AP5Z1: variants seen among roughly 807,000 people sequenced by gnomAD.
AP5Z1 encodes adaptor related protein complex 5 subunit zeta 1, also known as AP-5 complex subunit zeta-1.
A neutral mutation model predicts 83.0 loss-of-function variants in AP5Z1; 106 were observed. The observed-to-expected ratio is 1.28, with a 90% CI of 1.09 to 1.50. The LOEUF (loss-of-function observed/expected upper bound fraction) is 1.50, where lower values mean the gene tolerates loss of function less well. AP5Z1 is among the 40% of genes most tolerant of loss of function. The probability of loss-of-function intolerance (pLI) is 0.00; values close to 1 mark genes in which losing one functional copy is unlikely to be tolerated. For missense variants in AP5Z1, 1,565 were observed against 1,094.2 expected (o/e 1.43, Z -6.07); for synonymous variants, 751 against 514.1 (o/e 1.46, Z -6.23).
chr7:4,784,106 G>A, intron 5 of AP5Z1, 97 bp from the exon 6 acceptor site: 1 of 1,404,422 alleles, frequency 7.1e-7, no homozygotes, highest in Admixed American at 2.4e-5. Flanking sequence ...TCATGTTCAG[G>A]CAGCTTCTCC....
Position 4,793,738 on chromosome 7 carries a change from A to AC in AP5Z1, c.*2355dup, listed in dbSNP as rs1408790904. 1 of 154,672 alleles carries AC rather than the reference A, an allele frequency of 6.5e-6. No individual in the cohort carries two copies. 9.6% of individuals were successfully genotyped at this position (154,672 alleles called of 1,614,324 possible). A position where few individuals can be genotyped will look rare whatever the true frequency, so the allele number is the denominator to read the frequency against. ...GCCTTCCTGCGGGGCAGGGCTGGGG[A>AC]CCTGCAGCCCGCCATGCCTGAGCCT... On this transcript the variant is annotated 3_prime_UTR_variant, in exon 17 of 17. Coordinates refer to ENST00000649063, the MANE Select transcript of AP5Z1 (RefSeq NM_014855.3).
rs1381372219 is a variant in AP5Z1 at position 4,791,121 on chromosome 7, T to C, written c.2160T>C (p.Ser720=). 3.8e-6 allele frequency: 6 copies of C among 1,596,512 alleles called. No individual in the cohort carries two copies. Among genetic ancestry groups the C allele is most frequent in the Non-Finnish European group, 5.1e-6 (6 of 1,170,960 alleles). ...SRSQDLIPRA[S]LLLSKMRTLA... ...AGGGACCTTCTTTCCCCAGGGCCTC[T>C]TTATTGCTGTCAAAGATGAGGACCC... The change falls in exon 17 of 17, where the codon TCT becomes TCC. Residue 720 remains serine, a synonymous_variant. Transcript: ENST00000649063.
At position 4,785,626 on chromosome 7, in the gene AP5Z1, C is replaced by T. The variant is rs774452213; in HGVS notation, c.1074C>T (p.Arg358=). 2.2e-5 allele frequency: 35 copies of T among 1,573,790 alleles called. No homozygotes were observed. Among genetic ancestry groups the T allele is most frequent in the South Asian group, 5.8e-5 (5 of 86,840 alleles). The change falls in exon 9 of 17, where the codon CGC becomes CGT. Residue 358 remains arginine, a synonymous_variant. Transcript: ENST00000649063. ...SCLKALHGRV[R]GDPASVRVLL... ...TGAAGGCCCTGCACGGGCGGGTGCG[C>T]GGGGACCCGGCCTCTGTGCGGGTGC...
At chr7:4,786,153 T>G (rs1781537050) in intron 9 of AP5Z1, 97 bp from the exon 10 acceptor site, 1 of 1,325,380 alleles carries the variant, frequency 7.5e-7, no homozygotes, top group Middle Eastern at 2.7e-4. Context: ...CTTGGTGTCC[T>G]GGAGAGCAGG....
chr7:4,785,947 A>C (rs530654804), intron 9 of AP5Z1, among the ~76,000 whole-genome samples: 6 of 152,182 alleles, frequency 3.9e-5, no homozygotes, highest in African/African-American at 1.4e-4. Context: ...GATGTTGGTA[A>C]TTTTTAAACT....
At position 4,781,715 on chromosome 7, in the gene AP5Z1, C is replaced by G; in HGVS notation, c.327C>G (p.Ser109Arg). The G allele has an allele frequency of 6.3e-7, 1 of 1,582,592 alleles. No individual in the cohort carries two copies. Among genetic ancestry groups the G allele is most frequent in the East Asian group, 2.3e-5 (1 of 43,956 alleles). ...LSLAWDHTQN[S>R]RQLSLVASVL... The stretch of plus-strand genomic sequence containing the variant: ...TGGCCTGGGACCACACGCAGAACAG[C>G]CGGCAGCTGAGCCTGGTGGCCTCCG... The change falls in exon 3 of 17, where the codon AGC (serine) becomes AGG (arginine). Residue 109 changes from serine to arginine, a missense_variant. By Grantham distance (110) the Ser-to-Arg change is moderately radical. Transcript: ENST00000649063.
chr7:4,787,553 G>A, intron 10 of AP5Z1, 81 bp from the exon 11 acceptor site: 4 of 1,501,180 alleles, frequency 2.7e-6, no homozygotes, highest in East Asian at 5.0e-5. Context: ...TGGGACAGCT[G>A]TGGGGCCCTA....
chr7:4,787,507 A>C lies in AP5Z1; in HGVS notation c.1312-127A>C, dbSNP rs1781585124. The C allele has an allele frequency of 5.2e-6, 7 of 1,342,846 alleles. No homozygotes were observed. In the South Asian group the frequency reaches 6.2e-5, roughly 12 times the overall value. The allele number at this position is 1,342,846 out of a possible 1,614,324, so 83.2% of individuals were successfully genotyped here. ...TCTCAAAAAAATAAAAAGCGGGAGG[A>C]GGCAAAGGTAGAAGCCCTCCTGGGG... On this transcript the variant is annotated intron_variant, in intron 10 of 16. Transcript: ENST00000649063.
chr7:4,788,340 C>T lies in AP5Z1; in HGVS notation c.1595+46C>T, dbSNP rs551213850. On this transcript the variant is annotated intron_variant, in intron 12 of 16. Transcript: ENST00000649063. ...GGGGCCACCAGTGGCTCAGAGAGCC[C>T]GGCCACAGCCACTGGGGTGGGGCTC... is the stretch of plus-strand genomic sequence containing the variant. 140 of 1,521,056 alleles carry T rather than the reference C, an allele frequency of 9.2e-5. 1 individual carries two copies. Among genetic ancestry groups the T allele is most frequent in the Middle Eastern group, 2.4e-4 (1 of 4,212 alleles). The allele number at this position is 1,521,056 out of a possible 1,614,324, so 94.2% of individuals were successfully genotyped here. A position where few individuals can be genotyped will look rare whatever the true frequency, so the allele number is the denominator to read the frequency against.
In AP5Z1 at chr7:4,791,129, T is replaced by C. The variant is rs1319865740; in HGVS notation, c.2168T>C (p.Leu723Pro). 1 of 1,601,092 alleles carries C rather than the reference T, an allele frequency of 6.2e-7. No homozygotes were observed. Among genetic ancestry groups the C allele is most frequent in the Non-Finnish European group, 8.5e-7 (1 of 1,173,072 alleles). Residue 723 changes from leucine (L) to proline (P), a missense_variant, in exon 17 of 17, where the codon CTG becomes CCG. By Grantham distance (98) the Leu-to-Pro change is moderately conservative (BLOSUM62 -3). Transcript: ENST00000649063. Reference protein sequence around the residue: ...QDLIPRASLLLSKMRTLAHSP... With the variant: ...QDLIPRASLLPSKMRTLAHSP... ...TCTTTCCCCAGGGCCTCTTTATTGC[T>C]GTCAAAGATGAGGACCCTGGCTCAC...
Position 4,781,902 on chromosome 7 carries a change from G to C in AP5Z1, c.366+148G>C, listed in dbSNP as rs1335015236. The C allele has an allele frequency of 3.0e-6, 3 of 1,005,664 alleles. No individual in the cohort carries two copies. In the Admixed American group the frequency reaches 9.5e-5, roughly 32 times the overall value. 62.3% of individuals were successfully genotyped at this position (1,005,664 alleles called of 1,614,324 possible). ...GAGTGCCTGGCACACTTGAGGCTGG[G>C]GCATGCCCTGTTGACTGGAACGGGG... On this transcript the variant is annotated intron_variant, in intron 3 of 16. Coordinates refer to ENST00000649063, the MANE Select transcript of AP5Z1 (RefSeq NM_014855.3).
rs1399787861 is a variant in AP5Z1 at position 4,790,979 on chromosome 7, G to A, written c.2153+92G>A. 75 of 1,473,900 alleles carry A rather than the reference G, an allele frequency of 5.1e-5. No individual in the cohort carries two copies. The Middle Eastern group carries it at 8.7e-4, about 17-fold the overall frequency. 91.3% of individuals were successfully genotyped at this position (1,473,900 alleles called of 1,614,324 possible). A position where few individuals can be genotyped will look rare whatever the true frequency, so the allele number is the denominator to read the frequency against. On this transcript the variant is annotated intron_variant, in intron 16 of 16. Transcript: ENST00000649063. ...CCCATCCAGGTGTTGTGAAATGGTC[G>A]CAGCAGCGCAGGTCCTGGGTGGGCC...
At chr7:4,790,615 C>T (rs896432951) in intron 15 of AP5Z1, 24 bp downstream of exon 15, 16 of 1,612,256 alleles carry the variant, frequency 9.9e-6, no homozygotes, top group Non-Finnish European at 1.4e-5. Context: ...TGGCCTCCCA[C>T]AGCCGCTCCT....
intron 7 of AP5Z1, 74 bp from the exon 8 acceptor site, chr7:4,785,341 G>T: frequency 6.4e-7 from 1 of 1,556,686 alleles, no homozygotes; most frequent in African/African-American, 1.4e-5. Flanking sequence ...GGAGCTTCCA[G>T]AGCACAAGCT....
At chr7:4,790,921 C>T (rs183247669) in intron 16 of AP5Z1, 34 bp downstream of exon 16, 750 of 1,549,964 alleles carry the variant, frequency 4.8e-4, no homozygotes, top group Non-Finnish European at 6.3e-4. Context: ...AGCCTTCTGG[C>T]TCCTGGGGAA....
In AP5Z1 at chr7:4,788,953, T is replaced by G; in HGVS notation, c.1707+2T>G. On this transcript the variant is annotated splice_donor_variant, in intron 13 of 16. Transcript: ENST00000649063. LOFTEE classifies it high-confidence loss of function. Reference sequence around the variant, plus strand: ...GCATTCTTCTCAGCAGTGACCCAGGTGAGCTCGCTGCCTGGGGCCCCCCAT... The same window carrying G: ...GCATTCTTCTCAGCAGTGACCCAGGGGAGCTCGCTGCCTGGGGCCCCCCAT... 1.9e-6 allele frequency: 3 copies of G among 1,609,598 alleles called. No homozygotes were observed. The highest frequency in any genetic ancestry group is 1.1e-5 in the South Asian group (1 of 90,676).
chr7:4,789,255 TCCCAGCAGGCTCCATCCAACTGC>T (rs1334672385), intron 13 of AP5Z1, among the ~76,000 whole-genome samples: 6 of 149,130 alleles, frequency 4.0e-5, no homozygotes, highest in Non-Finnish European at 8.9e-5. Context: ...CTGTCTCCCA[TCCCAGCAGGCTCCATCCAACTGC>T]CCCAGCAGGC....
rs779121737 is a variant in AP5Z1 at position 4,784,204 on chromosome 7, C to T, written c.623C>T (p.Pro208Leu). The T allele has an allele frequency of 3.4e-5, 54 of 1,579,546 alleles. No individual in the cohort carries two copies. Among genetic ancestry groups the T allele is most frequent in the East Asian group, 2.1e-4 (9 of 42,978 alleles). Residue 208 changes from proline to leucine, a missense_variant and splice_region_variant, in exon 6 of 17, where the codon CCG becomes CTG. Pro to Leu is a moderately conservative substitution (Grantham distance 98, BLOSUM62 -3). Coordinates refer to ENST00000649063, the MANE Select transcript of AP5Z1 (RefSeq NM_014855.3). ...CACTCCTGCCTGTCCTTCCCACAGC[C>T]GGGCCCCGTCACCGAGGTGGACGGG... ...GFFSTPRARQ[P>L]GPVTEVDGAV...
rs745330699 is a variant in AP5Z1 at position 4,781,195 on chromosome 7, T to C, written c.62T>C (p.Leu21Pro). 1.2e-6 allele frequency: 2 copies of C among 1,613,996 alleles called. No individual in the cohort carries two copies. The highest frequency in any genetic ancestry group is 2.7e-5 in the African/African-American group (2 of 75,058). ...TTTAGGGAGATCCAGGACGAGGAGCTGAAGAAGTTCTGTTCCCGGATCTGT... is the reference window on the plus strand; with the variant it reads ...TTTAGGGAGATCCAGGACGAGGAGCCGAAGAAGTTCTGTTCCCGGATCTGT... ...HQAREIQDEE[L>P]KKFCSRICKL... The change falls in exon 2 of 17, where the codon CTG (leucine) becomes CCG (proline). Residue 21 changes from leucine to proline, a missense_variant. Leu to Pro is a moderately conservative substitution (Grantham distance 98). Coordinates refer to ENST00000649063, the MANE Select transcript of AP5Z1 (RefSeq NM_014855.3).
Sources: gnomAD v4.1 joint callset for allele counts (sites outside exome capture counted in the v4.1 genomes callset) on GRCh38, gnomAD v4.1.1 for gene constraint, MANE v1.5 for transcripts, NCBI Gene and HGNC (gene_info 2026-07-23, HGNC 2026-07-21) for gene names.